The following CD247 variants were observed in gnomAD, a reference collection of about 807,000 sequenced individuals.
CD247 encodes the protein T-cell surface glycoprotein CD3 zeta chain.
Under a neutral mutation model 30.0 loss-of-function variants are expected in CD247, and 13 were observed. That is an observed-to-expected ratio of 0.43 (90% CI 0.28 to 0.69). The LOEUF (loss-of-function observed/expected upper bound fraction) is 0.69, where lower values mean the gene tolerates loss of function less well. CD247 is among the 30% of genes least tolerant of loss of function. The pLI, the probability that CD247 is intolerant of heterozygous loss-of-function variation, is 0.16. For missense variants in CD247, 193 were observed against 212.6 expected, an observed-to-expected ratio of 0.91 and a Z score of 0.57; for synonymous variants, 72 against 80.0, an observed-to-expected ratio of 0.90 and a Z score of 0.53.
chr1:167,432,990 C>T, intron 7 of CD247, 34 bp downstream of exon 7: 3 of 1,609,268 alleles, frequency 1.9e-6, no homozygotes, highest in Non-Finnish European at 2.6e-6. Flanking sequence ...TCAGGTGGTG[C>T]CCCTTCCACT....
chr1:167,434,548 C>G, intron 5 of CD247: 2 of 356,392 alleles, frequency 5.6e-6, no homozygotes, highest in Non-Finnish European at 1.1e-5. Context: ...CATGGCAACC[C>G]AGATCGACAA....
chr1:167,459,129 T>C (rs1269126746), intron 1 of CD247, among the ~76,000 whole-genome samples: 1 of 148,902 alleles, frequency 6.7e-6, no homozygotes, highest in Non-Finnish European at 1.5e-5. Flanking sequence ...AGTGAAACTG[T>C]GTCTCAAAAA....
At chr1:167,482,277 G>C (rs1328004396) in intron 1 of CD247, among the ~76,000 whole-genome samples, 1 of 152,180 alleles carries the variant, frequency 6.6e-6, no homozygotes, top group Non-Finnish European at 1.5e-5. Flanking sequence ...TGAACCTAAA[G>C]CTACCAGGCC....
chr1:167,484,505 G>A (rs753919246), intron 1 of CD247, among the ~76,000 whole-genome samples: 15 of 152,244 alleles, frequency 9.9e-5, no homozygotes, highest in South Asian at 2.1e-4. Flanking sequence ...AGCCAGGCGC[G>A]GTGGCTCACG....
chr1:167,487,105 G>A (rs1431491581), intron 1 of CD247, among the ~76,000 whole-genome samples: 12 of 148,596 alleles, frequency 8.1e-5, no homozygotes, highest in Admixed American at 5.4e-4. Context: ...ACGGCCGGGT[G>A]TGATGGTTCA....
At chr1:167,438,732 C>T in intron 3 of CD247, 82 bp from the exon 4 acceptor site, 1 of 1,121,316 alleles carries the variant, frequency 8.9e-7, no homozygotes, top group East Asian at 2.3e-5. Context: ...AGTGTGGTTT[C>T]CCTCTCTGGG....
intron 1 of CD247, among the ~76,000 whole-genome samples, chr1:167,460,657 G>C (rs1280088971): frequency 6.6e-6 from 1 of 152,106 alleles, no homozygotes; most frequent in African/African-American, 2.4e-5. Flanking sequence ...TGTTACATAG[G>C]TATACATGTG....
chr1:167,518,493 G>T lies in CD247; in HGVS notation c.-28C>A. The T allele has an allele frequency of 6.2e-7, 1 of 1,609,230 alleles. No homozygotes were observed. The highest frequency in any genetic ancestry group is 8.5e-7 in the Non-Finnish European group (1 of 1,176,128). On this transcript the variant is annotated 5_prime_UTR_variant, in exon 1 of 8. Transcript: ENST00000362089. ...TGTCCTTTCCCTCAGAAAGAGGCTG[G>T]GAGGCAGAGGCTGAGGCAGCGGTGG...
intron 1 of CD247, among the ~76,000 whole-genome samples, chr1:167,491,635 T>C (rs1342574656): frequency 6.6e-6 from 1 of 152,008 alleles, no homozygotes; most frequent in Non-Finnish European, 1.5e-5. Context: ...CCCAAAAGAA[T>C]TGAAAGCAGG....
chr1:167,481,892 G>T (rs781756849), intron 1 of CD247, among the ~76,000 whole-genome samples: 2 of 152,184 alleles, frequency 1.3e-5, no homozygotes, highest in Non-Finnish European at 2.9e-5. Flanking sequence ...GGAACCCAAG[G>T]TTGGGTGCTG....
At chr1:167,445,085 C>T (rs1652006453) in intron 1 of CD247, among the ~76,000 whole-genome samples, 1 of 152,032 alleles carries the variant, frequency 6.6e-6, no homozygotes, top group Admixed American at 6.6e-5. Flanking sequence ...ACCACGATGC[C>T]CTGCTAATTT....
intron 1 of CD247, among the ~76,000 whole-genome samples, chr1:167,470,580 A>C (rs1242078995): frequency 1.3e-5 from 2 of 151,056 alleles, no homozygotes; most frequent in African/African-American, 2.4e-5. Flanking sequence ...ATTAGCCAAA[A>C]ACCAACCACT....
chr1:167,442,841 A>C (rs1557997288), intron 1 of CD247, among the ~76,000 whole-genome samples: 1 of 151,882 alleles, frequency 6.6e-6, no homozygotes. Context: ...CTGCCCAGAG[A>C]CCATTGATGA....
At chr1:167,452,494 G>C (rs1652402470) in intron 1 of CD247, among the ~76,000 whole-genome samples, 1 of 152,118 alleles carries the variant, frequency 6.6e-6, no homozygotes, top group South Asian at 2.1e-4. Flanking sequence ...AAGACACAGG[G>C]AGAGATGGCC....
chr1:167,505,743 TG>T (rs1429225632), intron 1 of CD247, among the ~76,000 whole-genome samples: 1 of 152,030 alleles, frequency 6.6e-6, no homozygotes, highest in Non-Finnish European at 1.5e-5. Context: ...GTAGGGGGAG[TG>T]GGGAGGGGTT....
intron 1 of CD247, among the ~76,000 whole-genome samples, chr1:167,498,637 C>A (rs190760186): frequency 1.3e-5 from 2 of 152,272 alleles, no homozygotes; most frequent in Admixed American, 6.5e-5. Flanking sequence ...TCCCAATGAC[C>A]CTGCAAGGTA....
intron 4 of CD247, among the ~76,000 whole-genome samples, chr1:167,436,233 T>C (rs1247304690): frequency 6.6e-6 from 1 of 152,212 alleles, no homozygotes; most frequent in Non-Finnish European, 1.5e-5. Flanking sequence ...TCTCACTAGA[T>C]GCAGGAAAAG....
rs373452939 is a variant in CD247, at chr1:167,518,471, C to A, written c.-6G>T. ...AAAAGCGCCTTCCACTTCATCTTGT[C>A]CTTTCCCTCAGAAAGAGGCTGGGAG... is the stretch of plus-strand genomic sequence containing the variant. On this transcript the variant is annotated 5_prime_UTR_variant, in exon 1 of 8. Transcript: ENST00000362089. 1.4e-5 allele frequency: 23 copies of A among 1,613,992 alleles called. No individual in the cohort carries two copies. In the Middle Eastern group the frequency reaches 8.2e-4, roughly 58 times the overall value.
chr1:167,448,863 AAAAT>A (rs1439093079), intron 1 of CD247, among the ~76,000 whole-genome samples: 2 of 152,206 alleles, frequency 1.3e-5, no homozygotes, highest in African/African-American at 2.4e-5. Context: ...TCTGTCTAAA[AAAAT>A]AAATAAACAA....
Sources: allele counts gnomAD v4.1 joint callset (sites outside exome capture counted in the v4.1 genomes callset), GRCh38; gene constraint gnomAD v4.1.1; transcripts MANE v1.5; gene names NCBI Gene and HGNC (gene_info 2026-07-23, HGNC 2026-07-21).